Variants in CYP46A1 observed in about 807,000 individuals in gnomAD.
The protein encoded by CYP46A1 is cholesterol 24-hydroxylase.
CYP46A1 carries 20 observed loss-of-function variants against 63.3 expected under a neutral mutation model. The observed-to-expected ratio is 0.32, with a 90% CI of 0.22 to 0.46. The LOEUF is 0.46. Ranked by LOEUF, CYP46A1 falls within the 20% of genes least tolerant of loss-of-function variation. The probability of loss-of-function intolerance (pLI) is 1.00; values close to 1 mark genes in which losing one functional copy is unlikely to be tolerated. For synonymous variants in CYP46A1, 268 were observed against 273.6 expected (o/e 0.98, Z 0.20); for missense variants, 445 against 670.8 (o/e 0.66, Z 3.72).
intron 10 of CYP46A1, among the ~76,000 whole-genome samples, chr14:99,718,388 C>G (rs1166104401): frequency 6.6e-6 from 1 of 152,180 alleles, no homozygotes; most frequent in Non-Finnish European, 1.5e-5. Context: ...AGCCTGCTCC[C>G]GACTCATGAG....
At chr14:99,700,781 C>A (rs2056624436) in intron 5 of CYP46A1, among the ~76,000 whole-genome samples, 1 of 152,202 alleles carries the variant, frequency 6.6e-6, no homozygotes, top group Non-Finnish European at 1.5e-5. Context: ...CTTCTACTTA[C>A]AGATTTTTTA....
At chr14:99,688,857 C>G (rs1202894004) in intron 1 of CYP46A1, among the ~76,000 whole-genome samples, 1 of 152,140 alleles carries the variant, frequency 6.6e-6, no homozygotes, top group Non-Finnish European at 1.5e-5. Context: ...GGATCCTCGT[C>G]TGACCTGGCC....
chr14:99,693,362 G>C (rs1260283688), intron 3 of CYP46A1: 3 of 152,176 alleles, frequency 2.0e-5, no homozygotes, highest in Non-Finnish European at 4.4e-5. Flanking sequence ...GTAAAAGCAT[G>C]CTACCAAAAA....
At position 99,707,604 on chromosome 14, in the gene CYP46A1, G is replaced by C; in HGVS notation, c.619G>C (p.Ala207Pro). 6.2e-7 allele frequency: 1 copy of C among 1,614,082 alleles called. No individual in the cohort carries two copies. Residue 207 changes from alanine to proline, a missense_variant, in exon 7 of 15, where the codon GCC becomes CCC. Transcript: ENST00000261835. ...GATGGAGACCAGTATGCTGCTGGGT[G>C]CCCAGAAGCCTCTGTCCCAGGCAGT... is the stretch of plus-strand genomic sequence containing the variant. The part of the protein sequence containing the change: ...FGMETSMLLG[A>P]QKPLSQAVKL...
chr14:99,726,404 G>C, intron 14 of CYP46A1, 148 bp downstream of exon 14: 1 of 1,160,560 alleles, frequency 8.6e-7, no homozygotes, highest in Non-Finnish European at 1.2e-6. Context: ...AGGACTGGCT[G>C]TGTTTTGCAC....
chr14:99,723,042 G>A, intron 12 of CYP46A1: 2 of 353,178 alleles, frequency 5.7e-6, no homozygotes, highest in South Asian at 2.1e-5. Context: ...GAGAGCACCT[G>A]CTGTTCTTCA....
At chr14:99,723,162 C>T (rs1296727739) in intron 12 of CYP46A1, 2 of 222,516 alleles carry the variant, frequency 9.0e-6, no homozygotes, top group Admixed American at 5.0e-5. Context: ...TGATTACTAA[C>T]TAGTAAGCGT....
At chr14:99,698,991 C>T (rs754733082) in intron 3 of CYP46A1, among the ~76,000 whole-genome samples, 10 of 152,256 alleles carry the variant, frequency 6.6e-5, no homozygotes, top group South Asian at 2.1e-4. Context: ...TTCTCCTTCC[C>T]GGGTGGAAGT....
At chr14:99,695,584 CTACTT>C (rs1249070438) in intron 3 of CYP46A1, 1 of 176,216 alleles carries the variant, frequency 5.7e-6, no homozygotes, top group African/African-American at 2.5e-5. Flanking sequence ...TATATTTTGT[CTACTT>C]TAAGCCATTC....
chr14:99,698,697 G>T (rs1279733977), intron 3 of CYP46A1, among the ~76,000 whole-genome samples: 2 of 152,162 alleles, frequency 1.3e-5, no homozygotes, highest in African/African-American at 4.8e-5. Context: ...CTCATCCAAG[G>T]TCCCAGAGTT....
intron 5 of CYP46A1, among the ~76,000 whole-genome samples, chr14:99,704,611 A>G (rs1270189230): frequency 2.0e-5 from 3 of 152,228 alleles, no homozygotes; most frequent in Non-Finnish European, 4.4e-5. Flanking sequence ...TTTTGTTTCT[A>G]CAATAGCTGC....
chr14:99,701,953 C>G (rs1413727814), intron 5 of CYP46A1, among the ~76,000 whole-genome samples: 1 of 151,740 alleles, frequency 6.6e-6, no homozygotes, highest in African/African-American at 2.4e-5. Context: ...ACCTGTAATC[C>G]CAGCTACGCG....
chr14:99,703,028 G>C (rs1034975943), intron 5 of CYP46A1, among the ~76,000 whole-genome samples: 1 of 152,140 alleles, frequency 6.6e-6, no homozygotes, highest in Non-Finnish European at 1.5e-5. Context: ...TTTTGAAGAT[G>C]ACAGGACAGT....
In CYP46A1 at chr14:99,725,038, G is replaced by A. The variant is rs752210237; in HGVS notation, c.1177-353G>A. On this transcript the variant is annotated intron_variant, in intron 12 of 14. Coordinates refer to ENST00000261835, the MANE Select transcript of CYP46A1 (RefSeq NM_006668.2). This position sits in a 1 kb window ranked among gnomAD's most constrained non-coding sequence, Gnocchi z 4.2. Reference sequence around the variant, plus strand: ...AGAGTCAGATCTGAGTTTGAATCCCGGTTTGGCCATTTATTTGCCTGGTGA... The same window carrying A: ...AGAGTCAGATCTGAGTTTGAATCCCAGTTTGGCCATTTATTTGCCTGGTGA... Among the ~76,000 whole-genome samples, 14 of 152,172 alleles carry A rather than the reference G, an allele frequency of 9.2e-5. No individual in the cohort carries two copies. The highest frequency in any genetic ancestry group is 7.2e-4 in the Admixed American group (11 of 15,282).
At chr14:99,713,658 C>A (rs1453758869) in intron 7 of CYP46A1, among the ~76,000 whole-genome samples, 1 of 151,766 alleles carries the variant, frequency 6.6e-6, no homozygotes, top group African/African-American at 2.4e-5. Context: ...GCAGGCAGAT[C>A]ACTTGAGGGC....
At chr14:99,693,350 T>C (rs1274812831) in intron 3 of CYP46A1, 1 of 152,242 alleles carries the variant, frequency 6.6e-6, no homozygotes, top group Non-Finnish European at 1.5e-5. Context: ...AATTTAAGAC[T>C]TGTAAAAGCA....
intron 7 of CYP46A1, chr14:99,711,197 C>A (rs1001102603): frequency 1.3e-5 from 2 of 151,752 alleles, no homozygotes; most frequent in African/African-American, 4.8e-5. Flanking sequence ...ACACTTACAT[C>A]AAAAAAGTAG....
chr14:99,726,363 T>TGGGCTGC, intron 14 of CYP46A1, 107 bp downstream of exon 14: 2 of 969,754 alleles, frequency 2.1e-6, no homozygotes, highest in Non-Finnish European at 2.9e-6. Flanking sequence ...TGCTGGGCTG[T>TGGGCTGC]GGGCTCGGGA....
intron 7 of CYP46A1, 32 bp downstream of exon 7, chr14:99,707,710 C>CTGGT: frequency 1.9e-6 from 3 of 1,576,244 alleles, no homozygotes; most frequent in Non-Finnish European, 2.6e-6. Flanking sequence ...TGGTGACCAG[C>CTGGT]CACCAGAGCT....
Sources: allele counts gnomAD v4.1 joint callset (sites outside exome capture counted in the v4.1 genomes callset), GRCh38; gene constraint gnomAD v4.1.1; non-coding constraint Gnocchi (gnomAD v3.1); transcripts MANE v1.5; gene names NCBI Gene and HGNC (gene_info 2026-07-23, HGNC 2026-07-21).